CCDC148: variants seen among roughly 807,000 people sequenced by gnomAD.
CCDC148 encodes coiled-coil domain-containing protein 148.
A neutral mutation model predicts 85.7 loss-of-function variants in CCDC148; 89 were observed. The ratio of observed to expected loss-of-function variants is 1.04; its 90% CI spans 0.87 to 1.24. The LOEUF (loss-of-function observed/expected upper bound fraction) is 1.24. Among genes scored for constraint, CCDC148 ranks in the 50% most tolerant of loss-of-function variants. The pLI, the probability that CCDC148 is intolerant of heterozygous loss-of-function variation, is 0.00. For missense variants in CCDC148, 692 were observed against 671.7 expected, an observed-to-expected ratio of 1.03 and a Z score of -0.33; for synonymous variants, 230 against 213.9, an observed-to-expected ratio of 1.08 and a Z score of -0.66.
intron 1 of CCDC148, among the ~76,000 whole-genome samples, chr2:158,374,481 A>G (rs184818936): frequency 9.2e-5 from 14 of 152,134 alleles, no homozygotes; most frequent in African/African-American, 3.1e-4. Flanking sequence ...TTATATAAAC[A>G]TTAACAGACT....
At chr2:158,332,148 T>C (rs1693166609) in intron 7 of CCDC148, among the ~76,000 whole-genome samples, 1 of 152,122 alleles carries the variant, frequency 6.6e-6, no homozygotes, top group African/African-American at 2.4e-5. Flanking sequence ...CTGGTACTGG[T>C]TGTTCCTTTC....
Position 158,346,826 on chromosome 2 carries a change from G to A in CCDC148, c.148-1508C>T, listed in dbSNP as rs141447441. ...TTTATAATGCATGCTATTTCCAGCCGTCATTCACTGATTGCTTTAACCTTG... is the reference window on the plus strand; with the variant it reads ...TTTATAATGCATGCTATTTCCAGCCATCATTCACTGATTGCTTTAACCTTG... On this transcript the variant is annotated intron_variant, in intron 2 of 13. Coordinates refer to ENST00000283233, the MANE Select transcript of CCDC148 (RefSeq NM_138803.4). Among the ~76,000 whole-genome samples the A allele has an allele frequency of 1.4e-3, 207 of 152,232 alleles. 1 individual carries two copies. The highest frequency in any genetic ancestry group is 4.9e-3 in the African/African-American group (203 of 41,542).
chr2:158,201,260 T>C (rs1440770688), intron 11 of CCDC148, among the ~76,000 whole-genome samples: 1 of 152,206 alleles, frequency 6.6e-6, no homozygotes, highest in Non-Finnish European at 1.5e-5. Flanking sequence ...AATATTAATA[T>C]GTCAATTTAT....
intron 11 of CCDC148, among the ~76,000 whole-genome samples, chr2:158,209,151 C>T (rs1353887899): frequency 7.9e-5 from 12 of 151,200 alleles, no homozygotes; most frequent in African/African-American, 2.9e-4. Context: ...TATTTTTTTT[C>T]AGGGGTAGTC....
chr2:158,270,393 T>C (rs1404303756), intron 9 of CCDC148, among the ~76,000 whole-genome samples: 4 of 152,166 alleles, frequency 2.6e-5, no homozygotes, highest in African/African-American at 7.2e-5. Context: ...GTACTAAGCA[T>C]TGTATCATTT....
chr2:158,357,127 C>G (rs1291586425), intron 2 of CCDC148, among the ~76,000 whole-genome samples: 1 of 149,470 alleles, frequency 6.7e-6, no homozygotes, highest in Non-Finnish European at 1.5e-5. Flanking sequence ...ATACCTAATG[C>G]TAGATGACGA....
intron 10 of CCDC148, among the ~76,000 whole-genome samples, chr2:158,221,089 A>G (rs567985802): frequency 1.6e-4 from 24 of 152,352 alleles, no homozygotes; most frequent in African/African-American, 5.8e-4. Context: ...ATGGTAATGC[A>G]GTCTTTAACA....
intron 11 of CCDC148, among the ~76,000 whole-genome samples, chr2:158,218,040 C>T (rs1404088752): frequency 6.6e-6 from 1 of 152,138 alleles, no homozygotes; most frequent in Non-Finnish European, 1.5e-5. Flanking sequence ...CTCCCTAAGT[C>T]ACAAAATGAG....
intron 1 of CCDC148, among the ~76,000 whole-genome samples, chr2:158,454,658 G>C (rs1688530854): frequency 6.6e-6 from 1 of 152,200 alleles, no homozygotes; most frequent in African/African-American, 2.4e-5. Flanking sequence ...TAATGTTCCT[G>C]GATAAGTGTT....
chr2:158,228,519 T>C (rs1037999927), intron 10 of CCDC148, among the ~76,000 whole-genome samples: 6 of 152,174 alleles, frequency 3.9e-5, no homozygotes, highest in African/African-American at 1.4e-4. Context: ...GTATGTTTAT[T>C]GCGGCAGTAT....
chr2:158,354,374 A>G, intron 2 of CCDC148, among the ~76,000 whole-genome samples: 1 of 152,178 alleles, frequency 6.6e-6, no homozygotes. Context: ...TAATAGACAC[A>G]ATAAAAAATG....
At chr2:158,206,540 T>C (rs1256397758) in intron 11 of CCDC148, among the ~76,000 whole-genome samples, 2 of 152,236 alleles carry the variant, frequency 1.3e-5, no homozygotes, top group Non-Finnish European at 2.9e-5. Flanking sequence ...AAATTTACCA[T>C]GCAAATGTAA....
At chr2:158,217,374 G>GTGTA (rs1558990227) in intron 11 of CCDC148, among the ~76,000 whole-genome samples, 36 of 98,522 alleles carry the variant, frequency 3.7e-4, no homozygotes, top group Non-Finnish European at 3.7e-4. Flanking sequence ...GTGTGTGTGT[G>GTGTA]TATATATATA....
intron 9 of CCDC148, among the ~76,000 whole-genome samples, chr2:158,251,621 G>A (rs997235816): frequency 6.6e-5 from 10 of 151,640 alleles, no homozygotes; most frequent in Non-Finnish European, 8.9e-5. Flanking sequence ...CAGAAAAATC[G>A]AAAAAGTCTA....
chr2:158,401,775 CA>C (rs1172625403), intron 1 of CCDC148, among the ~76,000 whole-genome samples: 3 of 151,956 alleles, frequency 2.0e-5, no homozygotes, highest in Non-Finnish European at 2.9e-5. Context: ...TCAAGTAAGA[CA>C]AGCCTTTCTC....
At chr2:158,187,601 T>C (rs181190692) in intron 11 of CCDC148, among the ~76,000 whole-genome samples, 22 of 152,108 alleles carry the variant, frequency 1.4e-4, no homozygotes, top group Admixed American at 9.2e-4. Flanking sequence ...CAGAGCCGTC[T>C]TTCAGAGCTC....
intron 7 of CCDC148, among the ~76,000 whole-genome samples, chr2:158,327,967 T>A (rs1028039967): frequency 2.0e-5 from 3 of 152,138 alleles, no homozygotes; most frequent in African/African-American, 7.2e-5. Flanking sequence ...ATATGAAAGT[T>A]TGGGTTCTAT....
chr2:158,255,425 C>T (rs1000855), intron 9 of CCDC148, among the ~76,000 whole-genome samples: 1 of 151,540 alleles, frequency 6.6e-6, no homozygotes, highest in African/African-American at 2.4e-5. Context: ...TTTAAGAATG[C>T]ACACTGGATA....
rs1432716111 is a variant in CCDC148, at chr2:158,294,890, G to A, written c.1110+14543C>T. On this transcript the variant is annotated intron_variant, in intron 9 of 13. Transcript: ENST00000283233. ...GTGACCATGTTACTTTGCATTCCCCGCTAGCACTGTATGAGAATTCCAGTT... is the reference window on the plus strand; with the variant it reads ...GTGACCATGTTACTTTGCATTCCCCACTAGCACTGTATGAGAATTCCAGTT... Among the ~76,000 whole-genome samples, 5 of 149,264 alleles carry A rather than the reference G, an allele frequency of 3.3e-5. No homozygotes were observed. In the East Asian group the frequency reaches 7.9e-4, roughly 24 times the overall value.
Sources: allele counts gnomAD v4.1 joint callset (sites outside exome capture counted in the v4.1 genomes callset), GRCh38; gene constraint gnomAD v4.1.1; transcripts MANE v1.5; gene names NCBI Gene and HGNC (gene_info 2026-07-23, HGNC 2026-07-21).